Variants in AP5M1 observed in about 807,000 individuals in gnomAD.
The protein encoded by AP5M1 is adaptor related protein complex 5 subunit mu 1.
In AP5M1, 44 loss-of-function variants were observed where a neutral mutation model predicts 52.3. The ratio of observed to expected loss-of-function variants is 0.84; its 90% CI spans 0.66 to 1.08. The LOEUF (loss-of-function observed/expected upper bound fraction) is 1.08. Among genes scored for constraint, AP5M1 ranks in the 50% least tolerant of loss-of-function variants. The pLI, the probability that AP5M1 is intolerant of heterozygous loss-of-function variation, is 0.00. For missense variants in AP5M1, 526 were observed against 568.4 expected, an observed-to-expected ratio of 0.93 and a Z score of 0.76; for synonymous variants, 213 against 199.0, an observed-to-expected ratio of 1.07 and a Z score of -0.59.
Position 57,286,333 on chromosome 14 carries a change from A to T in AP5M1, c.1390+14A>T. The T allele has an allele frequency of 6.6e-7, 1 of 1,509,878 alleles. No individual in the cohort carries two copies. The highest frequency in any genetic ancestry group is 1.7e-5 in the Admixed American group (1 of 59,418). 93.5% of individuals were successfully genotyped at this position (1,509,878 alleles called of 1,614,324 possible). ...AAATAAGTGCACGTAAGTTACACAG[A>T]TTCAAACTAACTTAAGGGAATTAAA... On this transcript the variant is annotated intron_variant, in intron 7 of 7. Coordinates refer to ENST00000261558, the MANE Select transcript of AP5M1 (RefSeq NM_018229.4).
chr14:57,286,990 CACACAT>C (rs1388011958), intron 7 of AP5M1, among the ~76,000 whole-genome samples: 3 of 125,256 alleles, frequency 2.4e-5, no homozygotes, highest in African/African-American at 5.5e-5. Context: ...TGTGTACACA[CACACAT>C]ACACACACAC....
chr14:57,284,971 A>G (rs1885272941), intron 6 of AP5M1, among the ~76,000 whole-genome samples: 1 of 152,160 alleles, frequency 6.6e-6, no homozygotes, highest in East Asian at 1.9e-4. Context: ...TGTATACAGG[A>G]TTTAGGAATT....
chr14:57,290,768 A>T lies in AP5M1; in HGVS notation c.*1884A>T, dbSNP rs1467414998. On this transcript the variant is annotated 3_prime_UTR_variant, in exon 8 of 8. Coordinates refer to ENST00000261558, the MANE Select transcript of AP5M1 (RefSeq NM_018229.4). The stretch of plus-strand genomic sequence containing the variant: ...CTTAGGTTTTCATCCCATTGAGATC[A>T]GCTGGGCACACTGTGATGCTTTTGA... 6.6e-6 allele frequency: 1 copy of T among 151,904 alleles called. No homozygotes were observed. Among genetic ancestry groups the T allele is most frequent in the Non-Finnish European group, 1.5e-5 (1 of 67,884 alleles). The allele number at this position is 151,904 out of a possible 1,614,324, so 9.4% of individuals were successfully genotyped here.
At chr14:57,281,982 A>T (rs978310264) in intron 3 of AP5M1, 107 bp from the exon 4 acceptor site, 69 of 954,124 alleles carry the variant, frequency 7.2e-5, no homozygotes, top group Non-Finnish European at 1.0e-4. Flanking sequence ...TACCAAAACA[A>T]CTTGGAATAA....
rs1357333792 is a variant in AP5M1 at position 57,290,064 on chromosome 14, A to T, written c.*1180A>T. The T allele has an allele frequency of 6.6e-6, 1 of 151,980 alleles. No individual in the cohort carries two copies. The highest frequency in any genetic ancestry group is 2.4e-5 in the African/African-American group (1 of 41,430). 9.4% of individuals were successfully genotyped at this position (151,980 alleles called of 1,614,324 possible). On this transcript the variant is annotated 3_prime_UTR_variant, in exon 8 of 8. Coordinates refer to ENST00000261558, the MANE Select transcript of AP5M1 (RefSeq NM_018229.4). The stretch of plus-strand genomic sequence containing the variant: ...AAAAAAAAATGCATTAAAGATTAAT[A>T]CTCAATTTGATTATATCTTGGGTTC...
chr14:57,283,569 C>G (rs1261293914), intron 6 of AP5M1, among the ~76,000 whole-genome samples: 1 of 152,120 alleles, frequency 6.6e-6, no homozygotes, highest in Non-Finnish European at 1.5e-5. Context: ...ACCTGGACAA[C>G]AGAGTGCGAC....
Position 57,274,547 on chromosome 14 carries a change from T to G in AP5M1, c.378T>G (p.Ser126Arg). The G allele has an allele frequency of 6.2e-7, 1 of 1,614,200 alleles. No individual in the cohort carries two copies. Among genetic ancestry groups the G allele is most frequent in the South Asian group, 1.1e-5 (1 of 91,084 alleles). Residue 126 changes from serine (S) to arginine (R), a missense_variant, in exon 2 of 8, where the codon AGT becomes AGG. Physicochemically the swap from Ser to Arg is moderately radical, Grantham distance 110. Around this residue, in one of 3 missense-constraint regions of AP5M1, gnomAD observed 425 missense variants for 430.6 expected, o/e 0.99. Transcript: ENST00000261558. The part of the protein sequence containing the change: ...LSPRPPLISV[S>R]GVSQGFEFLF... ...CTCGTCCGCCACTAATTAGTGTCAG[T>G]GGAGTTTCACAAGGCTTTGAATTTC...
chr14:57,274,220 A>G, intron 1 of AP5M1, 24 bp from the exon 2 acceptor site: 1 of 1,548,654 alleles, frequency 6.5e-7, no homozygotes, highest in African/African-American at 1.4e-5. Context: ...AATCATTTAT[A>G]ATGTTTCTGT....
intron 2 of AP5M1, among the ~76,000 whole-genome samples, chr14:57,278,795 A>T (rs1384005331): frequency 6.6e-6 from 1 of 152,218 alleles, no homozygotes; most frequent in Non-Finnish European, 1.5e-5. Flanking sequence ...ATCCAATATG[A>T]CTACGTGTAA....
chr14:57,289,092 T>C lies in AP5M1; in HGVS notation c.*208T>C, dbSNP rs185741880. 43 of 361,982 alleles carry C rather than the reference T, an allele frequency of 1.2e-4. No homozygotes were observed. The highest frequency in any genetic ancestry group is 8.7e-4 in the African/African-American group (40 of 46,070). The allele number at this position is 361,982 out of a possible 1,614,324, so 22.4% of individuals were successfully genotyped here. On this transcript the variant is annotated 3_prime_UTR_variant, in exon 8 of 8. Coordinates refer to ENST00000261558, the MANE Select transcript of AP5M1 (RefSeq NM_018229.4). ...GTCTCCAATTTTGTTAACCTTCGATTTTATGCCAGTATAATTCAGAACATA... is the reference window on the plus strand; with the variant it reads ...GTCTCCAATTTTGTTAACCTTCGATCTTATGCCAGTATAATTCAGAACATA...
Position 57,291,240 on chromosome 14 carries a change from C to T in AP5M1, c.*2356C>T, listed in dbSNP as rs932546834. The T allele has an allele frequency of 7.2e-5, 11 of 151,900 alleles. No homozygotes were observed. The highest frequency in any genetic ancestry group is 1.0e-4 in the Non-Finnish European group (7 of 67,888). The allele number at this position is 151,900 out of a possible 1,614,324, so 9.4% of individuals were successfully genotyped here. ...CGTTTGCAGTGAATATGAGCAACTA[C>T]TTCCAGTGAAAGATTTGGATAGTGT... On this transcript the variant is annotated 3_prime_UTR_variant, in exon 8 of 8. Transcript: ENST00000261558.
In AP5M1 at chr14:57,288,893, T is replaced by C; in HGVS notation, c.*9T>C. 1 of 1,437,784 alleles carries C rather than the reference T, an allele frequency of 7.0e-7. No individual in the cohort carries two copies. The highest frequency in any genetic ancestry group is 1.4e-5 in the African/African-American group (1 of 70,276). The allele number at this position is 1,437,784 out of a possible 1,614,324, so 89.1% of individuals were successfully genotyped here. A position where few individuals can be genotyped will look rare whatever the true frequency, so the allele number is the denominator to read the frequency against. ...GATCATTATTATTGTAATAGTCTCA[T>C]GTTTAAATGGGATTATATAATGATA... On this transcript the variant is annotated 3_prime_UTR_variant, in exon 8 of 8. Coordinates refer to ENST00000261558, the MANE Select transcript of AP5M1 (RefSeq NM_018229.4).
intron 1 of AP5M1, chr14:57,271,003 A>G (rs900259697): frequency 6.6e-5 from 10 of 152,214 alleles, no homozygotes; most frequent in African/African-American, 2.4e-4. Flanking sequence ...ACAAGTACCT[A>G]TTGAGCTTTT....
At chr14:57,282,638 T>G (rs1885210867) in intron 4 of AP5M1, among the ~76,000 whole-genome samples, 1 of 152,206 alleles carries the variant, frequency 6.6e-6, no homozygotes, top group African/African-American at 2.4e-5. Flanking sequence ...TATATCTACA[T>G]ATATAGTAAA....
chr14:57,280,711 C>T lies in AP5M1; in HGVS notation c.948+289C>T, dbSNP rs558179601. Among the ~76,000 whole-genome samples, 152 of 152,066 alleles carry T rather than the reference C, an allele frequency of 1.0e-3. 1 individual carries two copies. The highest frequency in any genetic ancestry group is 3.2e-3 in the African/African-American group (133 of 41,470). ...CTAAAAATACAAAAAGTTAGCCAGG[C>T]GTGGTGTCATGCACCTGTAATCCCA... On this transcript the variant is annotated intron_variant, in intron 3 of 7. Coordinates refer to ENST00000261558, the MANE Select transcript of AP5M1 (RefSeq NM_018229.4).
chr14:57,279,383 C>T (rs1055130533), intron 2 of AP5M1, among the ~76,000 whole-genome samples: 6 of 152,096 alleles, frequency 3.9e-5, no homozygotes, highest in Admixed American at 2.6e-4. Flanking sequence ...TTTGCATGGA[C>T]GTAGATGGAG....
intron 2 of AP5M1, chr14:57,275,121 A>G (rs1158939947): frequency 1.8e-6 from 1 of 543,104 alleles, no homozygotes; most frequent in Non-Finnish European, 3.2e-6. Flanking sequence ...GACATTTATT[A>G]TTTTCATAGT....
chr14:57,288,885 T>C lies in AP5M1; in HGVS notation c.*1T>C, dbSNP rs141614541. The stretch of plus-strand genomic sequence containing the variant: ...AACATATGGATCATTATTATTGTAA[T>C]AGTCTCATGTTTAAATGGGATTATA... On this transcript the variant is annotated 3_prime_UTR_variant, in exon 8 of 8. Coordinates refer to ENST00000261558, the MANE Select transcript of AP5M1 (RefSeq NM_018229.4). 1.3e-6 allele frequency: 2 copies of C among 1,490,250 alleles called. No individual in the cohort carries two copies. The highest frequency in any genetic ancestry group is 2.8e-5 in the African/African-American group (2 of 71,554). The allele number at this position is 1,490,250 out of a possible 1,614,324, so 92.3% of individuals were successfully genotyped here.
At chr14:57,272,555 G>A (rs1204307057) in intron 1 of AP5M1, among the ~76,000 whole-genome samples, 1 of 152,144 alleles carries the variant, frequency 6.6e-6, no homozygotes, top group Non-Finnish European at 1.5e-5. Context: ...AGAAATGATA[G>A]GTTGAGTCAT....
Sources: allele counts gnomAD v4.1 joint callset (sites outside exome capture counted in the v4.1 genomes callset), GRCh38; gene constraint gnomAD v4.1.1; regional missense constraint gnomAD v4.1.1; transcripts MANE v1.5; gene names NCBI Gene and HGNC (gene_info 2026-07-23, HGNC 2026-07-21).